AKAP4: variants seen among roughly 807,000 people sequenced by gnomAD.
AKAP4 encodes A-kinase anchor protein 4.
Under a neutral mutation model 42.6 loss-of-function variants are expected in AKAP4, and 4 were observed. The ratio of observed to expected loss-of-function variants is 0.09; its 90% confidence interval spans 0.05 to 0.22. AKAP4 has a LOEUF of 0.22. Among genes scored for constraint, AKAP4 ranks in the 10% least tolerant of loss-of-function variants. The pLI, the probability that AKAP4 is intolerant of heterozygous loss-of-function variation, is 1.00. For synonymous variants in AKAP4, 223 were observed against 233.0 expected, an observed-to-expected ratio of 0.96 and a Z score of 0.39; for missense variants, 551 against 630.7, an observed-to-expected ratio of 0.87 and a Z score of 1.35.
chrX:50,194,163 T>C lies in AKAP4; in HGVS notation c.550A>G (p.Asn184Asp), dbSNP rs144059937. ...GAAGGACTTTGATTATTGTTGGTGTTTTTAGCTGCTGTCATTTCTAGACGT... is the reference window on the plus strand; with the variant it reads ...GAAGGACTTTGATTATTGTTGGTGTCTTTAGCTGCTGTCATTTCTAGACGT... ...NLRLEMTAAK[N>D]TNNNQSPSAP... is the part of the protein sequence containing the mutation. Residue 184 changes from asparagine (N) to aspartate (D), a missense_variant, in exon 5 of 6, where the codon AAC becomes GAC. By Grantham distance (23) the Asn-to-Asp change is conservative. Transcript: ENST00000358526. 1.4e-5 allele frequency: 17 copies of C among 1,209,713 alleles called. No individual in the cohort carries two copies. In the African/African-American group the frequency reaches 3.0e-4, roughly 21 times the overall value.
chrX:50,193,318 A>G lies in AKAP4; in HGVS notation c.1395T>C (p.Leu465=), dbSNP rs139438809. 3.3e-6 allele frequency: 4 copies of G among 1,209,740 alleles called. No homozygotes were observed. In the African/African-American group the frequency reaches 7.0e-5, roughly 21 times the overall value. The change falls in exon 5 of 6, where the codon CTT becomes CTC. Residue 465 remains leucine (L), a synonymous_variant. Coordinates refer to ENST00000358526, the MANE Select transcript of AKAP4 (RefSeq NM_003886.3). The part of the protein sequence containing the change: ...SHDPKCRNQS[L]EFSTMKAEMK... ...TTTCAGCTTTCATGGTGGAGAATTC[A>G]AGACTCTGATTCCTGCATTTGGGAT...
intron 1 of AKAP4, chrX:50,200,396 G>A: frequency 1.3e-6 from 1 of 754,759 alleles, no homozygotes; most frequent in Non-Finnish European, 1.6e-6. Flanking sequence ...TTCCCCTGCT[G>A]CCTCTGACCC....
chrX:50,191,670 A>AAGAGAGAGAGAGAGAG (rs782187338), intron 5 of AKAP4, among the ~76,000 whole-genome samples: 4 of 90,020 alleles, frequency 4.4e-5, no homozygotes, highest in African/African-American at 1.3e-4. Context: ...GAGAGAGAGA[A>AAGAGAGAGAGAGAGAG]AGAGAGAGAG....
Position 50,192,860 on chromosome X carries a change from T to A in AKAP4, c.1853A>T (p.His618Leu). Residue 618 changes from histidine to leucine, a missense_variant, in exon 5 of 6, where the codon CAC (histidine) becomes CTC (leucine). Coordinates refer to ENST00000358526, the MANE Select transcript of AKAP4 (RefSeq NM_003886.3). ...CATATCCATTTTCTGGGAGTCCAGG[T>A]GTTGGTTCTCCTTTTGACAGGTGGA... ...GPSTCQKENQ[H>L]LDSQKMDMSN... 8.3e-7 allele frequency: 1 copy of A among 1,211,868 alleles called. No homozygotes were observed. The highest frequency in any genetic ancestry group is 1.8e-5 in the South Asian group (1 of 56,974).
rs113381926 is a variant in AKAP4, at chrX:50,194,041, T to C, written c.672A>G (p.Leu224=). ...GGGCCATCTGGATTACCAGAGAAGA[T>C]AGTCGGTTGACGTAGAAGGAAAGGT... is the stretch of plus-strand genomic sequence containing the variant. The part of the protein sequence containing the change: ...IDDLSFYVNR[L]SSLVIQMAHK... Residue 224 remains leucine, a synonymous_variant, in exon 5 of 6, where the codon CTA becomes CTG. Coordinates refer to ENST00000358526, the MANE Select transcript of AKAP4 (RefSeq NM_003886.3). 4.3e-5 allele frequency: 52 copies of C among 1,210,032 alleles called. No individual in the cohort carries two copies. The highest frequency in any genetic ancestry group is 2.3e-4 in the Middle Eastern group (1 of 4,375).
chrX:50,198,630 C>T, intron 2 of AKAP4, 27 bp downstream of exon 2: 1 of 1,157,134 alleles, frequency 8.6e-7, no homozygotes, highest in Non-Finnish European at 1.2e-6. Flanking sequence ...TTTCCTACTC[C>T]TCGGCATGAG....
rs928823753 is a variant in AKAP4, at chrX:50,193,161, C to A, written c.1552G>T (p.Val518Leu). The stretch of plus-strand genomic sequence containing the variant: ...TTATTGCTGCATGCTTTGGTAGCCA[C>A]CTTGCATGAGTTTCCTTGCTTTTGG... ...WNQKQGNSCK[V>L]ATKACSNKDE... Residue 518 changes from valine (V) to leucine (L), a missense_variant, in exon 5 of 6, where the codon GTG (valine) becomes TTG (leucine). Physicochemically the swap from Val to Leu is conservative, Grantham distance 32. Transcript: ENST00000358526. 7 of 1,210,221 alleles carry A rather than the reference C, an allele frequency of 5.8e-6. No individual in the cohort carries two copies. The Admixed American group carries it at 6.6e-5, about 11-fold the overall frequency.
At chrX:50,197,464 AT>A in intron 3 of AKAP4, 79 bp downstream of exon 3, 1 of 915,495 alleles carries the variant, frequency 1.1e-6, no homozygotes, top group African/African-American at 2.0e-5. Flanking sequence ...TCCCCCCAAC[AT>A]TTTCCATTCT....
In AKAP4 at chrX:50,191,001, C is replaced by A; in HGVS notation, c.2524G>T (p.Ala842Ser). ...AGCCAGTCCAGCAACTGTTTCCTGG[C>A]CACCTTTCCCACAGCTTCATCTGGT... ...RQPDEAVGKVARKQLLDWLLA... is the reference protein window; with the variant it reads ...RQPDEAVGKVSRKQLLDWLLA... Residue 842 changes from alanine (A) to serine (S), a missense_variant, in exon 6 of 6, where the codon GCC becomes TCC. Ala to Ser is a moderately conservative substitution (Grantham distance 99, BLOSUM62 1). Transcript: ENST00000358526. The A allele has an allele frequency of 2.5e-6, 3 of 1,210,978 alleles. No individual in the cohort carries two copies. The highest frequency in any genetic ancestry group is 1.8e-5 in the South Asian group (1 of 56,890).
In AKAP4 at chrX:50,193,910, C is replaced by T; in HGVS notation, c.803G>A (p.Ser268Asn). The T allele has an allele frequency of 8.3e-7, 1 of 1,211,854 alleles. No homozygotes were observed. The highest frequency in any genetic ancestry group is 1.1e-6 in the Non-Finnish European group (1 of 895,565). The part of the protein sequence containing the change: ...KERISPRTPA[S>N]KIASEMAYEA... ...ATAGGCCATTTCAGAAGCAATCTTG[C>T]TCGCAGGAGTTCGGGGACTGATTCT... Residue 268 changes from serine (S) to asparagine (N), a missense_variant, in exon 5 of 6, where the codon AGC (serine) becomes AAC (asparagine). Physicochemically the swap from Ser to Asn is conservative, Grantham distance 46 (BLOSUM62 1). Transcript: ENST00000358526.
rs782060387 is a variant in AKAP4, at chrX:50,194,533, T to C, written c.277-97A>G. On this transcript the variant is annotated intron_variant, in intron 4 of 5. Coordinates refer to ENST00000358526, the MANE Select transcript of AKAP4 (RefSeq NM_003886.3). ...TGTATCAGATTAGGGATTTGACCTT[T>C]TGGAGTTTGTATGGGAACGTAACAT... is the stretch of plus-strand genomic sequence containing the variant. The C allele has an allele frequency of 2.1e-4, 150 of 714,129 alleles. No individual in the cohort carries two copies. In the African/African-American group the frequency reaches 3.1e-3, roughly 15 times the overall value. The allele number at this position is 714,129 out of a possible 1,213,427, so 58.9% of individuals were successfully genotyped here.
Position 50,192,896 on chromosome X carries a change from G to A in AKAP4, c.1817C>T (p.Ala606Val), listed in dbSNP as rs1557203865. The A allele has an allele frequency of 3.3e-6, 4 of 1,211,735 alleles. No individual in the cohort carries two copies. Among genetic ancestry groups the A allele is most frequent in the Non-Finnish European group, 4.5e-6 (4 of 895,396 alleles). ...LSVKQLESHRAPGPSTCQKEN... is the reference protein window; with the variant it reads ...LSVKQLESHRVPGPSTCQKEN... ...CTTTTGACAGGTGGATGGTCCAGGG[G>A]CTCTGTGAGATTCTAGTTGTTTCAC... The change falls in exon 5 of 6, where the codon GCC (alanine) becomes GTC (valine). Residue 606 changes from alanine to valine, a missense_variant. Ala to Val is a moderately conservative substitution (Grantham distance 64). Coordinates refer to ENST00000358526, the MANE Select transcript of AKAP4 (RefSeq NM_003886.3).
At position 50,193,398 on chromosome X, in the gene AKAP4, T is replaced by C. The variant is rs1569541751; in HGVS notation, c.1315A>G (p.Lys439Glu). The change falls in exon 5 of 6, where the codon AAG becomes GAG. Residue 439 changes from lysine to glutamate, a missense_variant. Lys to Glu is a moderately conservative substitution (Grantham distance 56). Transcript: ENST00000358526. ...GACAGACTCTGAGACTTAGTCTCCT[T>C]CTCCTCACCTATAAGGGCACTGACC... ...RLVSALIGEE[K>E]ETKSQSLSYA... 1.2e-5 allele frequency: 14 copies of C among 1,211,616 alleles called. No individual in the cohort carries two copies. Among genetic ancestry groups the C allele is most frequent in the Non-Finnish European group, 1.6e-5 (14 of 895,465 alleles).
rs1557204023 is a variant in AKAP4 at position 50,193,693 on chromosome X, C to T, written c.1020G>A (p.Val340=). Residue 340 remains valine, a synonymous_variant, in exon 5 of 6, where the codon GTG becomes GTA. Transcript: ENST00000358526. The stretch of plus-strand genomic sequence containing the variant: ...TGAGAGAGACCATCATGTCAGATGC[C>T]ACCTGATTTGCATAAACCATGAGCC... ...SKGLMVYANQ[V]ASDMMVSLMK... 1 of 1,211,631 alleles carries T rather than the reference C, an allele frequency of 8.3e-7. No individual in the cohort carries two copies.
intron 5 of AKAP4, 31 bp downstream of exon 5, chrX:50,192,273 C>CT: frequency 3.5e-6 from 4 of 1,132,030 alleles, no homozygotes; most frequent in Non-Finnish European, 4.7e-6. Flanking sequence ...CCCATTCCAA[C>CT]TTTCTTCTTG....
chrX:50,192,780 A>G lies in AKAP4; in HGVS notation c.1933T>C (p.Cys645Arg), dbSNP rs782311961. 7 of 1,211,546 alleles carry G rather than the reference A, an allele frequency of 5.8e-6. No individual in the cohort carries two copies. The highest frequency in any genetic ancestry group is 7.8e-6 in the Non-Finnish European group (7 of 895,479). Residue 645 changes from cysteine (C) to arginine (R), a missense_variant, in exon 5 of 6, where the codon TGT (cysteine) becomes CGT (arginine). By Grantham distance (180) the Cys-to-Arg change is radical (BLOSUM62 -3). Coordinates refer to ENST00000358526, the MANE Select transcript of AKAP4 (RefSeq NM_003886.3). ...TTCTCACCTTCGCATGGATCCTCAC[A>G]TTTGAAGGGGTTCTCATTAAGCAGT... The part of the protein sequence containing the change: ...QKLLNENPFK[C>R]EDPCEGENKC...
intron 4 of AKAP4, among the ~76,000 whole-genome samples, chrX:50,194,964 G>A (rs1557204204): frequency 1.8e-5 from 2 of 111,924 alleles, no homozygotes; most frequent in Non-Finnish European, 3.8e-5. Flanking sequence ...GTCAAAATAT[G>A]AGTGTCTATG....
intron 4 of AKAP4, among the ~76,000 whole-genome samples, chrX:50,196,048 C>T (rs1360876120): frequency 9.0e-6 from 1 of 111,726 alleles, no homozygotes; most frequent in Non-Finnish European, 1.9e-5. Context: ...ACATGGGCTG[C>T]TTTTTCAAAA....
At position 50,200,912 on chromosome X, in the gene AKAP4, T is replaced by C; in HGVS notation, c.-23A>G. 5 of 1,203,382 alleles carry C rather than the reference T, an allele frequency of 4.2e-6. No individual in the cohort carries two copies. The highest frequency in any genetic ancestry group is 1.7e-5 in the African/African-American group (1 of 57,663). ...CATGTAGGACCCTGGAATGATGTTT[T>C]CTTGTTGATTTGGATGCTGTGATGA... On this transcript the variant is annotated 5_prime_UTR_variant, in exon 1 of 6. Transcript: ENST00000358526.
Sources: allele counts gnomAD v4.1 joint callset (sites outside exome capture counted in the v4.1 genomes callset), GRCh38; gene constraint gnomAD v4.1.1; transcripts MANE v1.5; gene names NCBI Gene and HGNC (gene_info 2026-07-23, HGNC 2026-07-21).